Variants in PCDHGA10 observed in about 807,000 individuals in gnomAD.
PCDHGA10 encodes the protein protocadherin gamma subfamily A, 10.
PCDHGA10 carries 42 observed loss-of-function variants against 59.5 expected under a neutral mutation model. The ratio of observed to expected loss-of-function variants is 0.71; its 90% CI spans 0.55 to 0.91. The LOEUF (loss-of-function observed/expected upper bound fraction) is 0.91. Ranked by LOEUF, PCDHGA10 falls within the 40% of genes least tolerant of loss-of-function variation. The probability of loss-of-function intolerance (pLI) is 0.00; values close to 1 mark genes in which losing one functional copy is unlikely to be tolerated. For synonymous variants in PCDHGA10, 511 were observed against 517.2 expected, an observed-to-expected ratio of 0.99 and a Z score of 0.16; for missense variants, 1,111 against 1,198.2, an observed-to-expected ratio of 0.93 and a Z score of 1.07.
chr5:141,461,830 CT>C (rs1030113508), intron 1 of PCDHGA10, among the ~76,000 whole-genome samples: 30 of 145,198 alleles, frequency 2.1e-4, no homozygotes, highest in Non-Finnish European at 2.4e-4. Flanking sequence ...ATTTTTTTTT[CT>C]TTTTTTTTTG....
rs57426385 is a variant in PCDHGA10 at position 141,415,740 on chromosome 5, G to GTTT, written c.2436+159_2436+161dup. ...TGAGTAGAATTTGATGTTTATTAAG[G>GTTT]TTTTTTTTTTTTTTTTTTTTTTTTT... On this transcript the variant is annotated intron_variant, in intron 1 of 3. Transcript: ENST00000398610. 6,178 of 620,014 alleles carry GTTT rather than the reference G, an allele frequency of 1.0e-2. 42 individuals are homozygous for GTTT. Among genetic ancestry groups the GTTT allele is most frequent in the South Asian group, 0.019 (660 of 34,340 alleles). The allele number at this position is 620,014 out of a possible 1,614,324, so 38.4% of individuals were successfully genotyped here. A position where few individuals can be genotyped will look rare whatever the true frequency, so the allele number is the denominator to read the frequency against.
At chr5:141,467,699 T>A (rs1368755814) in intron 1 of PCDHGA10, among the ~76,000 whole-genome samples, 1 of 152,194 alleles carries the variant, frequency 6.6e-6, no homozygotes, top group Non-Finnish European at 1.5e-5. Context: ...TCTGGCTCTG[T>A]TGCCCAGGCT....
chr5:141,426,909 G>A (rs1293364217), intron 1 of PCDHGA10: 1 of 456,744 alleles, frequency 2.2e-6, no homozygotes, highest in Non-Finnish European at 4.4e-6. Flanking sequence ...TCATCTCCTG[G>A]TCCTGGAAGC....
chr5:141,464,921 G>C (rs1562002597), intron 1 of PCDHGA10, among the ~76,000 whole-genome samples: 6 of 151,106 alleles, frequency 4.0e-5, no homozygotes, highest in Admixed American at 3.3e-4. Flanking sequence ...TTATTTTTTT[G>C]TAGAGATGTG....
rs1363891858 is a variant in PCDHGA10, at chr5:141,491,369, C to T, written c.2437-3438C>T. 8.7e-6 allele frequency: 14 copies of T among 1,614,110 alleles called. No homozygotes were observed. Among genetic ancestry groups the T allele is most frequent in the East Asian group, 2.2e-5 (1 of 44,866 alleles). On this transcript the variant is annotated intron_variant, in intron 1 of 3. Coordinates refer to ENST00000398610, the MANE Select transcript of PCDHGA10 (RefSeq NM_018913.3). The surrounding 1 kb of genome is among the most constrained non-coding windows in gnomAD (Gnocchi z 6.9). ...AGTCTCTTATCCCTAGTCACCTTCACCTTTCTGTCAGCGAAGTGCCTTCAG... is the reference window on the plus strand; with the variant it reads ...AGTCTCTTATCCCTAGTCACCTTCATCTTTCTGTCAGCGAAGTGCCTTCAG...
At chr5:141,427,929 T>A in intron 1 of PCDHGA10, 1 of 1,582,776 alleles carries the variant, frequency 6.3e-7, no homozygotes, top group South Asian at 1.1e-5. Flanking sequence ...CCGGCGCATG[T>A]TGGTGGGCGA....
chr5:141,484,068 G>C (rs1287427208), intron 1 of PCDHGA10, among the ~76,000 whole-genome samples: 1 of 152,114 alleles, frequency 6.6e-6, no homozygotes, highest in African/African-American at 2.4e-5. Flanking sequence ...TAAGTGAAAA[G>C]CTTGCTCTTT....
chr5:141,433,837 C>CAAAAAAAAA (rs56191208), intron 1 of PCDHGA10, among the ~76,000 whole-genome samples: 1 of 111,704 alleles, frequency 9.0e-6, no homozygotes, highest in Non-Finnish European at 1.9e-5. Flanking sequence ...AACTCTATCT[C>CAAAAAAAAA]AAAAAAAAAA....
At chr5:141,458,563 G>T (rs1181785251) in intron 1 of PCDHGA10, among the ~76,000 whole-genome samples, 1 of 140,116 alleles carries the variant, frequency 7.1e-6, no homozygotes, top group Non-Finnish European at 1.5e-5. Context: ...TTTTGGTTTT[G>T]GGTTTTTGTT....
chr5:141,425,897 A>G (rs893972047), intron 1 of PCDHGA10, among the ~76,000 whole-genome samples: 1 of 152,240 alleles, frequency 6.6e-6, no homozygotes, highest in African/African-American at 2.4e-5. Context: ...TTTGGTAGTA[A>G]ACACTGGAAA....
chr5:141,443,848 G>A lies in PCDHGA10; in HGVS notation c.2436+28237G>A, dbSNP rs528933391. 2.6e-5 allele frequency among the ~76,000 whole-genome samples: 4 copies of A among 152,272 alleles called. No individual in the cohort carries two copies. The South Asian group carries it at 8.3e-4, about 32-fold the overall frequency. ...TTAGGTAAAATGGGTAATATGGAAA[G>A]TCTGAAAACTGAAAAAATTACTGAT... On this transcript the variant is annotated intron_variant, in intron 1 of 3. Transcript: ENST00000398610.
intron 1 of PCDHGA10, among the ~76,000 whole-genome samples, chr5:141,446,473 G>C (rs558209769): frequency 2.0e-4 from 29 of 148,138 alleles, no homozygotes; most frequent in Non-Finnish European, 1.5e-4. Context: ...TAGACATATG[G>C]TCATCATTCT....
In PCDHGA10 at chr5:141,476,760, CG is replaced by C. The variant is rs1325258321; in HGVS notation, c.2437-18045del. The C allele has an allele frequency of 6.2e-7, 1 of 1,613,706 alleles. No individual in the cohort carries two copies. Among genetic ancestry groups the C allele is most frequent in the African/African-American group, 1.3e-5 (1 of 74,930 alleles). On this transcript the variant is annotated intron_variant, in intron 1 of 3. Coordinates refer to ENST00000398610, the MANE Select transcript of PCDHGA10 (RefSeq NM_018913.3). This position sits in a 1 kb window ranked among gnomAD's most constrained non-coding sequence, Gnocchi z 7.6. ...GAGCCTAGTCTCCAGTTAGTGCTGA[CG>C]GCGTTGGACGGAGGGACCCCAGCTC...
intron 2 of PCDHGA10, among the ~76,000 whole-genome samples, chr5:141,497,539 C>A (rs2099777336): frequency 6.9e-6 from 1 of 145,274 alleles, no homozygotes; most frequent in African/African-American, 2.6e-5. Context: ...ATGCAACAAA[C>A]CTTTTTTTTT....
At chr5:141,420,061 G>A (rs376044810) in intron 1 of PCDHGA10, 3 of 1,613,958 alleles carry the variant, frequency 1.9e-6, no homozygotes, top group Non-Finnish European at 2.5e-6. Flanking sequence ...TCTGCTCCAA[G>A]TCCGGACCTG....
rs2099609528 is a variant in PCDHGA10 at position 141,485,211 on chromosome 5, G to A, written c.2437-9596G>A. 6.2e-7 allele frequency: 1 copy of A among 1,614,126 alleles called. No individual in the cohort carries two copies. The highest frequency in any genetic ancestry group is 8.5e-7 in the Non-Finnish European group (1 of 1,179,980). Reference sequence around the variant, plus strand: ...GTGAGAAGCTGGACAGAAATCTGGCGGTGGGCTACCCTTTTGTTCCTCTTT... The same window carrying A: ...GTGAGAAGCTGGACAGAAATCTGGCAGTGGGCTACCCTTTTGTTCCTCTTT... On this transcript the variant is annotated intron_variant, in intron 1 of 3. Transcript: ENST00000398610. This position sits in a 1 kb window ranked among gnomAD's most constrained non-coding sequence, Gnocchi z 5.7.
At chr5:141,452,281 T>C (rs948141174) in intron 1 of PCDHGA10, among the ~76,000 whole-genome samples, 1 of 152,232 alleles carries the variant, frequency 6.6e-6, no homozygotes, top group African/African-American at 2.4e-5. Flanking sequence ...CCTTTCTTAC[T>C]TTCTGATATA....
chr5:141,414,894 A>T lies in PCDHGA10; in HGVS notation c.1719A>T (p.Thr573=). Residue 573 remains threonine (T), a synonymous_variant, in exon 1 of 4, where the codon ACA becomes ACT. Coordinates refer to ENST00000398610, the MANE Select transcript of PCDHGA10 (RefSeq NM_018913.3). ...APEILYPALP[T]DGSTGVELAP... is the part of the protein sequence containing the mutation. ...AGATCCTGTACCCCGCCCTCCCCACAGACGGTTCCACAGGCGTGGAGCTGG... is the reference window on the plus strand; with the variant it reads ...AGATCCTGTACCCCGCCCTCCCCACTGACGGTTCCACAGGCGTGGAGCTGG... 1 of 1,613,958 alleles carries T rather than the reference A, an allele frequency of 6.2e-7. No individual in the cohort carries two copies. The highest frequency in any genetic ancestry group is 1.1e-5 in the South Asian group (1 of 91,088).
intron 1 of PCDHGA10, among the ~76,000 whole-genome samples, chr5:141,463,088 C>T (rs768488458): frequency 6.6e-6 from 1 of 152,108 alleles, no homozygotes; most frequent in Non-Finnish European, 1.5e-5. Flanking sequence ...ATTTTCCAGC[C>T]CTATGTGACC....
Sources: gnomAD v4.1 joint callset for allele counts (sites outside exome capture counted in the v4.1 genomes callset) on GRCh38, gnomAD v4.1.1 for gene constraint, Gnocchi (gnomAD v3.1) non-coding constraint, MANE v1.5 for transcripts, NCBI Gene and HGNC (gene_info 2026-07-23, HGNC 2026-07-21) for gene names.